Variants in ROCK1 observed in about 807,000 individuals in gnomAD.
The protein encoded by ROCK1 is rho-associated protein kinase 1.
In ROCK1, 36 loss-of-function variants were observed where a neutral mutation model predicts 196.8. The observed-to-expected ratio is 0.18, with a 90% CI of 0.14 to 0.24. The LOEUF is 0.24. Ranked by LOEUF, ROCK1 falls within the 10% of genes least tolerant of loss-of-function variation. The pLI, the probability that ROCK1 is intolerant of heterozygous loss-of-function variation, is 1.00. For synonymous variants in ROCK1, 443 were observed against 515.9 expected (o/e 0.86, Z 1.91); for missense variants, 920 against 1,562.0 (o/e 0.59, Z 6.93).
chr18:21,059,644 TTAAA>T (rs2036272004), intron 2 of ROCK1, among the ~76,000 whole-genome samples: 1 of 152,160 alleles, frequency 6.6e-6, no homozygotes, highest in South Asian at 2.1e-4. Flanking sequence ...TCTCAAAATG[TTAAA>T]TATAGAATTA....
chr18:21,015,204 T>C (rs2035852869), intron 13 of ROCK1, among the ~76,000 whole-genome samples: 1 of 152,024 alleles, frequency 6.6e-6, no homozygotes, highest in African/African-American at 2.4e-5. Flanking sequence ...GAAATTTACG[T>C]ACTAAAATTA....
intron 1 of ROCK1, among the ~76,000 whole-genome samples, chr18:21,092,288 C>T (rs1004039603): frequency 1.3e-5 from 2 of 151,872 alleles, no homozygotes; most frequent in Admixed American, 1.3e-4. Flanking sequence ...TTGGATCAAC[C>T]AAACAAAATA....
intron 27 of ROCK1, among the ~76,000 whole-genome samples, chr18:20,964,025 C>T (rs889415491): frequency 2.0e-5 from 3 of 151,994 alleles, no homozygotes; most frequent in African/African-American, 7.2e-5. Flanking sequence ...TTCATAGAGG[C>T]TGCGTTCTAG....
At chr18:21,021,279 A>G (rs1221012131) in intron 11 of ROCK1, among the ~76,000 whole-genome samples, 1 of 152,146 alleles carries the variant, frequency 6.6e-6, no homozygotes, top group Non-Finnish European at 1.5e-5. Flanking sequence ...AAGAGAGAGA[A>G]AGATTCAGGA....
Position 21,008,176 on chromosome 18 carries a change from G to T in ROCK1, c.1429C>A (p.Leu477Ile). The part of the protein sequence containing the change: ...LDEEGNQRRN[L>I]ESTVSQIEKE... ...TCAATCTGAGACACTGTAGATTCTA[G>T]ATTTCTTCTTTGATTTCCCTGGAAT... Residue 477 changes from leucine to isoleucine, a missense_variant, in exon 14 of 33, where the codon CTA becomes ATA. Leu to Ile is a conservative substitution (Grantham distance 5). This residue lies in a region of ROCK1 where 520 missense variants were observed against 657.1 expected (regional missense o/e 0.79). Coordinates refer to ENST00000399799, the MANE Select transcript of ROCK1 (RefSeq NM_005406.3). 6.3e-7 allele frequency: 1 copy of T among 1,578,522 alleles called. No individual in the cohort carries two copies. Among genetic ancestry groups the T allele is most frequent in the South Asian group, 1.2e-5 (1 of 86,258 alleles).
chr18:21,006,828 T>C (rs1447360895), intron 14 of ROCK1, 38 bp from the exon 15 acceptor site: 1 of 1,288,714 alleles, frequency 7.8e-7, no homozygotes, highest in Non-Finnish European at 1.1e-6. Flanking sequence ...AATTACAACA[T>C]TTTCATAGGG....
At chr18:20,966,022 A>G (rs2035371083) in intron 27 of ROCK1, among the ~76,000 whole-genome samples, 1 of 152,204 alleles carries the variant, frequency 6.6e-6, no homozygotes, top group South Asian at 2.1e-4. Context: ...CAGAATCCCA[A>G]TATCAAACAT....
chr18:21,006,729 A>G lies in ROCK1; in HGVS notation c.1608T>C (p.Ala536=). Reference sequence around the variant, plus strand: ...TTTGTAACTGGGACAGCTTCTCATTAGCAAGCTGTGAATTCTGACTGACTT... The same window carrying G: ...TTTGTAACTGGGACAGCTTCTCATTGGCAAGCTGTGAATTCTGACTGACTT... ...LKKVSQNSQL[A]NEKLSQLQKQ... Residue 536 remains alanine, a synonymous_variant, in exon 15 of 33, where the codon GCT becomes GCC. Transcript: ENST00000399799. 1 of 1,605,068 alleles carries G rather than the reference A, an allele frequency of 6.2e-7. No homozygotes were observed.
intron 1 of ROCK1, among the ~76,000 whole-genome samples, chr18:21,102,927 T>C (rs537470309): frequency 2.0e-5 from 3 of 151,502 alleles, no homozygotes; most frequent in Admixed American, 6.6e-5. Flanking sequence ...TTGCCAAAAA[T>C]CTGGTATCAG....
intron 13 of ROCK1, among the ~76,000 whole-genome samples, chr18:21,008,420 C>T (rs1380127566): frequency 2.6e-5 from 4 of 152,168 alleles, no homozygotes; most frequent in East Asian, 1.9e-4. Flanking sequence ...ACTACAGGGA[C>T]GCACCACTGC....
intron 4 of ROCK1, among the ~76,000 whole-genome samples, chr18:21,047,472 G>A (rs1454308589): frequency 6.6e-6 from 1 of 152,088 alleles, no homozygotes. Context: ...CTACATAGTT[G>A]GTAAAAACAT....
chr18:21,036,607 C>T (rs2036059560), intron 9 of ROCK1, among the ~76,000 whole-genome samples: 1 of 152,000 alleles, frequency 6.6e-6, no homozygotes. Flanking sequence ...TCACACCTGG[C>T]TAATTTTTTA....
intron 9 of ROCK1, among the ~76,000 whole-genome samples, chr18:21,030,636 A>C (rs2035997789): frequency 6.6e-6 from 1 of 152,230 alleles, no homozygotes; most frequent in Admixed American, 6.5e-5. Context: ...AGAGTTATAA[A>C]AATAATTATT....
At chr18:20,958,945 AATAT>A (rs539358819) in intron 29 of ROCK1, among the ~76,000 whole-genome samples, 22 of 87,768 alleles carry the variant, frequency 2.5e-4, no homozygotes, top group African/African-American at 8.7e-4. Context: ...TATAAAAAAT[AATAT>A]ATATATTTTA....
At chr18:20,991,355 T>C (rs927244003) in intron 17 of ROCK1, 29 bp from the exon 18 acceptor site, 1 of 1,506,926 alleles carries the variant, frequency 6.6e-7, no homozygotes, top group Non-Finnish European at 9.0e-7. Context: ...AGTCATGTAA[T>C]AAACTGTGCA....
At chr18:21,036,306 C>A (rs868226900) in intron 9 of ROCK1, among the ~76,000 whole-genome samples, 1 of 152,094 alleles carries the variant, frequency 6.6e-6, no homozygotes, top group Non-Finnish European at 1.5e-5. Flanking sequence ...AGTTTTGAGC[C>A]GGCAGAAGTA....
Position 20,953,952 on chromosome 18 carries a change from A to T in ROCK1, c.3854-167T>A, listed in dbSNP as rs191443612. 8.5e-4 allele frequency among the ~76,000 whole-genome samples: 127 copies of T among 149,996 alleles called. 1 individual carries two copies. The highest frequency in any genetic ancestry group is 2.5e-3 in the African/African-American group (100 of 40,600). Reference sequence around the variant, plus strand: ...CCTTAAGTTAAATAAGGCTGAAATTAAAAAAAAAAATTAGTCAAACTAATA... The same window carrying T: ...CCTTAAGTTAAATAAGGCTGAAATTTAAAAAAAAAATTAGTCAAACTAATA... On this transcript the variant is annotated intron_variant, in intron 31 of 32. Transcript: ENST00000399799.
intron 2 of ROCK1, among the ~76,000 whole-genome samples, chr18:21,059,701 A>G (rs1421296228): frequency 1.3e-5 from 2 of 152,220 alleles, no homozygotes; most frequent in East Asian, 3.8e-4. Context: ...CTACGCAAGA[A>G]CAATAAAAAC....
At chr18:21,017,405 A>T (rs2035873109) in intron 12 of ROCK1, among the ~76,000 whole-genome samples, 1 of 151,420 alleles carries the variant, frequency 6.6e-6, no homozygotes, top group African/African-American at 2.4e-5. Flanking sequence ...GTGAGCCAGG[A>T]TGTCTTGATC....
Sources: gnomAD v4.1 joint callset for allele counts (sites outside exome capture counted in the v4.1 genomes callset) on GRCh38, gnomAD v4.1.1 for gene constraint, gnomAD v4.1.1 regional missense constraint, MANE v1.5 for transcripts, NCBI Gene and HGNC (gene_info 2026-07-23, HGNC 2026-07-21) for gene names.